The following SCIMP variants were observed in gnomAD, a reference collection of about 807,000 sequenced individuals.
The protein encoded by SCIMP is SLP adaptor and CSK interacting membrane protein, also known as SLP adapter and CSK-interacting membrane protein.
Under a neutral mutation model 22.0 loss-of-function variants are expected in SCIMP, and 18 were observed. The ratio of observed to expected loss-of-function variants is 0.82; its 90% CI spans 0.56 to 1.21. The LOEUF is 1.21. Ranked by LOEUF, SCIMP falls within the 50% of genes most tolerant of loss-of-function variation. The pLI is 0.00. For missense variants in SCIMP, 155 were observed against 171.2 expected (o/e 0.91, Z 0.53); for synonymous variants, 53 against 62.2 (o/e 0.85, Z 0.70).
At position 5,210,777 on chromosome 17, in the gene SCIMP, T is replaced by C. The variant is rs375621740; in HGVS notation, c.*24A>G. The C allele has an allele frequency of 1.6e-5, 25 of 1,601,626 alleles. No homozygotes were observed. The African/African-American group carries it at 3.2e-4, about 21-fold the overall frequency. On this transcript the variant is annotated 3_prime_UTR_variant, in exon 5 of 5. Transcript: ENST00000574081. ...AAGTTGTGTGAACCCTCTTCAGTTT[T>C]GCCAAAAAGAAGAAATGGCTGTTTC...
At chr17:5,220,024 G>A (rs1473009891) in intron 3 of SCIMP, among the ~76,000 whole-genome samples, 2 of 152,138 alleles carry the variant, frequency 1.3e-5, no homozygotes, top group Admixed American at 1.3e-4. Flanking sequence ...TCGCCATAAT[G>A]TACTGTAATT....
At chr17:5,212,102 G>A (rs1011412343) in intron 4 of SCIMP, among the ~76,000 whole-genome samples, 1 of 151,952 alleles carries the variant, frequency 6.6e-6, no homozygotes, top group African/African-American at 2.4e-5. Flanking sequence ...AAAAGAACAG[G>A]TCCATAAGTA....
At chr17:5,223,308 C>T in intron 2 of SCIMP, 25 bp downstream of exon 2, 1 of 1,612,868 alleles carries the variant, frequency 6.2e-7, no homozygotes, top group Non-Finnish European at 8.5e-7. Flanking sequence ...CCTCCCTCCA[C>T]CTGCCTAGGT....
intron 4 of SCIMP, among the ~76,000 whole-genome samples, chr17:5,212,252 T>A (rs571104324): frequency 5.0e-4 from 76 of 152,186 alleles, no homozygotes; most frequent in Non-Finnish European, 8.5e-4. Context: ...GAGTTCATGT[T>A]CACGTTCCAG....
At chr17:5,228,006 C>T (rs775250945) in intron 1 of SCIMP, among the ~76,000 whole-genome samples, 62 of 152,076 alleles carry the variant, frequency 4.1e-4, no homozygotes, top group Middle Eastern at 3.2e-3. Flanking sequence ...AACCCCGTCT[C>T]TACTAAAATA....
chr17:5,216,525 G>A (rs2074566540), intron 3 of SCIMP, among the ~76,000 whole-genome samples: 1 of 151,964 alleles, frequency 6.6e-6, no homozygotes, highest in South Asian at 2.1e-4. Flanking sequence ...AATTAGCCAG[G>A]TGTGGTGGCG....
intron 1 of SCIMP, among the ~76,000 whole-genome samples, chr17:5,224,107 G>C (rs2074629036): frequency 6.6e-6 from 1 of 152,176 alleles, no homozygotes; most frequent in South Asian, 2.1e-4. Context: ...GGAGGGGGAA[G>C]GTGCCATTTA....
At position 5,234,786 on chromosome 17, in the gene SCIMP, G is replaced by C. The variant is rs747008534; in HGVS notation, c.-31C>G. ...AGCAGCTAAGGAGACAGCAGTGGCT[G>C]GAGTGCTGCAGCTCAGGCACAGCTG... On this transcript the variant is annotated 5_prime_UTR_variant, in exon 1 of 5. Coordinates refer to ENST00000574081, the MANE Select transcript of SCIMP (RefSeq NM_207103.3). The C allele has an allele frequency of 5.6e-6, 9 of 1,602,890 alleles. No homozygotes were observed. The highest frequency in any genetic ancestry group is 7.7e-6 in the Non-Finnish European group (9 of 1,175,096).
intron 4 of SCIMP, chr17:5,212,893 A>G (rs918473771): frequency 1.3e-5 from 2 of 152,734 alleles, no homozygotes; most frequent in African/African-American, 2.4e-5. Flanking sequence ...ACTCCAGTGG[A>G]GGAGATCAAT....
intron 4 of SCIMP, among the ~76,000 whole-genome samples, chr17:5,212,024 G>A (rs1449020723): frequency 2.0e-5 from 3 of 151,746 alleles, no homozygotes; most frequent in Admixed American, 6.6e-5. Context: ...CTCTAGCCTG[G>A]GCAACAGAGC....
intron 1 of SCIMP, among the ~76,000 whole-genome samples, chr17:5,232,542 G>A (rs948498891): frequency 2.7e-5 from 4 of 149,856 alleles, no homozygotes; most frequent in Non-Finnish European, 4.4e-5. Context: ...TTTGGACTTC[G>A]GCAGGCCTGG....
rs1472120065 is a variant in SCIMP, at chr17:5,232,392, A to ATAAACAGTGCAGTG, written c.21+2342_21+2343insCACTGCACTGTTTA. Reference sequence around the variant, plus strand: ...AACAGTGCAGTATAAACAGTGCAGTATAAACAGTATAAACAGTGCAAACAG... The same window carrying ATAAACAGTGCAGTG: ...AACAGTGCAGTATAAACAGTGCAGTATAAACAGTGCAGTGTAAACAGTATAAACAGTGCAAACAG... On this transcript the variant is annotated intron_variant, in intron 1 of 4. Coordinates refer to ENST00000574081, the MANE Select transcript of SCIMP (RefSeq NM_207103.3). 4.7e-4 allele frequency among the ~76,000 whole-genome samples: 5 copies of ATAAACAGTGCAGTG among 10,548 alleles called. No individual in the cohort carries two copies. In the East Asian group the frequency reaches 6.4e-3, roughly 14 times the overall value. The allele number at this position is 10,548 out of a possible 152,430, so 6.9% of individuals were successfully genotyped here.
intron 4 of SCIMP, among the ~76,000 whole-genome samples, chr17:5,211,463 A>G (rs888851062): frequency 2.0e-5 from 3 of 151,870 alleles, no homozygotes; most frequent in Non-Finnish European, 2.9e-5. Context: ...GGTTAAGGCT[A>G]CAACGAGCCA....
chr17:5,232,393 T>G (rs2074708022), intron 1 of SCIMP, among the ~76,000 whole-genome samples: 1 of 151,770 alleles, frequency 6.6e-6, no homozygotes, highest in African/African-American at 2.4e-5. Flanking sequence ...CAGTGCAGTA[T>G]AAACAGTATA....
intron 3 of SCIMP, among the ~76,000 whole-genome samples, chr17:5,215,486 C>A (rs1398513337): frequency 1.3e-5 from 2 of 152,114 alleles, no homozygotes; most frequent in Non-Finnish European, 2.9e-5. Context: ...TGATGATGCT[C>A]ACCTGTAATC....
intron 1 of SCIMP, among the ~76,000 whole-genome samples, chr17:5,228,394 AAC>A (rs1199381446): frequency 6.6e-6 from 1 of 150,542 alleles, no homozygotes; most frequent in Non-Finnish European, 1.5e-5. Flanking sequence ...CTGTAATCTC[AAC>A]AGTTTTGGAG....
chr17:5,213,235 T>G (rs910477822), intron 4 of SCIMP: 2 of 981,452 alleles, frequency 2.0e-6, no homozygotes, highest in Non-Finnish European at 2.4e-6. Context: ...GTACTTATGC[T>G]GCCCCCTTTT....
intron 2 of SCIMP, among the ~76,000 whole-genome samples, chr17:5,222,962 G>T (rs2074619294): frequency 6.6e-6 from 1 of 152,174 alleles, no homozygotes; most frequent in African/African-American, 2.4e-5. Flanking sequence ...ACCACGCCCA[G>T]CCGAGACAGT....
intron 3 of SCIMP, among the ~76,000 whole-genome samples, chr17:5,219,870 C>T (rs1301292118): frequency 6.6e-6 from 1 of 152,186 alleles, no homozygotes; most frequent in Non-Finnish European, 1.5e-5. Context: ...CAGTGCTTCG[C>T]GTCTGTTGCC....
Sources: allele counts gnomAD v4.1 joint callset (sites outside exome capture counted in the v4.1 genomes callset), GRCh38; gene constraint gnomAD v4.1.1; transcripts MANE v1.5; gene names NCBI Gene and HGNC (gene_info 2026-07-23, HGNC 2026-07-21).